MREG: variants seen among roughly 807,000 people sequenced by gnomAD.
The protein encoded by MREG is dilute suppressor protein homolog.
Under a neutral mutation model 28.5 loss-of-function variants are expected in MREG, and 31 were observed. The ratio of observed to expected loss-of-function variants is 1.09; its 90% CI spans 0.82 to 1.47. The LOEUF is 1.47. Ranked by LOEUF, MREG falls within the 40% of genes most tolerant of loss-of-function variation. MREG has a pLI of 0.00. For synonymous variants in MREG, 106 were observed against 95.2 expected (o/e 1.11, Z -0.66); for missense variants, 256 against 257.4 (o/e 0.99, Z 0.04).
Position 216,013,360 on chromosome 2 carries a change from C to T in MREG, c.-33G>A. The T allele has an allele frequency of 6.8e-7, 1 of 1,467,028 alleles. No individual in the cohort carries two copies. The highest frequency in any genetic ancestry group is 9.1e-7 in the Non-Finnish European group (1 of 1,104,620). 90.9% of individuals were successfully genotyped at this position (1,467,028 alleles called of 1,614,324 possible). A position where few individuals can be genotyped will look rare whatever the true frequency, so the allele number is the denominator to read the frequency against. On this transcript the variant is annotated 5_prime_UTR_variant, in exon 1 of 5. Transcript: ENST00000263268. ...GAGGGCCCCCACCGGCGCCGGAAGC[C>T]TGGGGCCGAGTCGCCGCGGCGAGCG...
At chr2:216,012,002 G>T (rs576898489) in intron 1 of MREG, among the ~76,000 whole-genome samples, 2 of 152,140 alleles carry the variant, frequency 1.3e-5, no homozygotes, top group Non-Finnish European at 2.9e-5. Context: ...ACTGTATATT[G>T]TGTGTATGAC....
rs528287762 is a variant in MREG at position 215,968,300 on chromosome 2, A to G, written c.256-21187T>C. Among the ~76,000 whole-genome samples, 7 of 152,276 alleles carry G rather than the reference A, an allele frequency of 4.6e-5. No individual in the cohort carries two copies. The East Asian group carries it at 1.3e-3, about 29-fold the overall frequency. On this transcript the variant is annotated intron_variant, in intron 2 of 4. Coordinates refer to ENST00000263268, the MANE Select transcript of MREG (RefSeq NM_018000.3). ...GCATCTGTTTTACTTTTCACCACTC[A>G]TTACCACAGCATCAGGTAACAGAGT...
chr2:215,943,491 G>T lies in MREG; in HGVS notation c.*1372C>A. The stretch of plus-strand genomic sequence containing the variant: ...CAACGAATCAGAAACAGATGAAAGA[G>T]GAGAGAAGAAAACAGAGGTCAAACA... On this transcript the variant is annotated 3_prime_UTR_variant, in exon 5 of 5. Transcript: ENST00000263268. 4.4e-6 allele frequency: 2 copies of T among 456,696 alleles called. No homozygotes were observed. Among genetic ancestry groups the T allele is most frequent in the South Asian group, 3.1e-5 (2 of 64,572 alleles). 28.3% of individuals were successfully genotyped at this position (456,696 alleles called of 1,614,324 possible). A position where few individuals can be genotyped will look rare whatever the true frequency, so the allele number is the denominator to read the frequency against.
upstream of MREG, among the ~76,000 whole-genome samples, chr2:216,015,459 AT>A (rs1306208406): frequency 6.6e-6 from 1 of 152,148 alleles, no homozygotes; most frequent in Non-Finnish European, 1.5e-5. Context: ...GGGAAGAGTT[AT>A]AGGAGATAGC....
upstream of MREG, among the ~76,000 whole-genome samples, chr2:216,016,969 T>TA (rs766287663): frequency 6.6e-5 from 10 of 152,192 alleles, no homozygotes; most frequent in Non-Finnish European, 1.2e-4. Flanking sequence ...AATAGTCTTC[T>TA]AAAAAATTGG....
At chr2:215,976,268 C>A (rs533207827) in intron 2 of MREG, among the ~76,000 whole-genome samples, 54 of 152,242 alleles carry the variant, frequency 3.5e-4, no homozygotes, top group Admixed American at 7.9e-4. Flanking sequence ...TATTCCAAAT[C>A]TGTTGGTTCT....
In MREG at chr2:215,944,989, G is replaced by A; in HGVS notation, c.519C>T (p.Leu173=). ...SERYLFVVDR[L]IALDAAEEFF... is the part of the protein sequence containing the mutation. ...ACTCTTCTGCAGCATCAAGTGCAATGAGACGGTCCTGCAAAAACAAACAAC... is the reference window on the plus strand; with the variant it reads ...ACTCTTCTGCAGCATCAAGTGCAATAAGACGGTCCTGCAAAAACAAACAAC... Residue 173 remains leucine, a synonymous_variant, in exon 5 of 5, where the codon CTC becomes CTT. Transcript: ENST00000263268. 6.3e-7 allele frequency: 1 copy of A among 1,578,526 alleles called. No homozygotes were observed. The highest frequency in any genetic ancestry group is 1.3e-5 in the African/African-American group (1 of 74,630).
chr2:215,978,313 C>T (rs1693313487), intron 2 of MREG, among the ~76,000 whole-genome samples: 1 of 152,170 alleles, frequency 6.6e-6, no homozygotes, highest in Admixed American at 6.5e-5. Context: ...GACACATACA[C>T]CCTCCCAAGA....
intron 2 of MREG, among the ~76,000 whole-genome samples, chr2:215,990,565 T>C (rs1574632976): frequency 1.3e-5 from 2 of 152,066 alleles, no homozygotes; most frequent in South Asian, 4.1e-4. Context: ...TAAACGTAAA[T>C]AGGCTAAATG....
At position 215,942,989 on chromosome 2, in the gene MREG, A is replaced by G. The variant is rs1358440541; in HGVS notation, c.*1874T>C. On this transcript the variant is annotated 3_prime_UTR_variant, in exon 5 of 5. Coordinates refer to ENST00000263268, the MANE Select transcript of MREG (RefSeq NM_018000.3). ...AGGAAGAATTTTCCTGAAACACAGC[A>G]GTTAAATTGGTCTACAATGCATTAA... 1 of 152,834 alleles carries G rather than the reference A, an allele frequency of 6.5e-6. No homozygotes were observed. The highest frequency in any genetic ancestry group is 1.5e-5 in the Non-Finnish European group (1 of 68,152). 9.5% of individuals were successfully genotyped at this position (152,834 alleles called of 1,614,324 possible).
chr2:215,962,142 G>T (rs1447627419), intron 2 of MREG, among the ~76,000 whole-genome samples: 1 of 152,146 alleles, frequency 6.6e-6, no homozygotes, highest in African/African-American at 2.4e-5. Flanking sequence ...TTATTCCACG[G>T]CTCCACTTGA....
chr2:215,997,140 T>C (rs767986498), intron 1 of MREG, among the ~76,000 whole-genome samples: 1 of 152,186 alleles, frequency 6.6e-6, no homozygotes, highest in Non-Finnish European at 1.5e-5. Flanking sequence ...GGATGAATGT[T>C]TGACTGGCTC....
rs138150602 is a variant in MREG at position 215,977,376 on chromosome 2, A to G, written c.255+18930T>C. Among the ~76,000 whole-genome samples, 940 of 152,352 alleles carry G rather than the reference A, an allele frequency of 6.2e-3. 5 individuals carry two copies. Among genetic ancestry groups the G allele is most frequent in the African/African-American group, 0.021 (870 of 41,572 alleles). On this transcript the variant is annotated intron_variant, in intron 2 of 4. Transcript: ENST00000263268. ...CCAATACAGGAGCACCCAGATTCAT[A>G]AAGCAAGTCCTTAGAGACCTACAAA...
At chr2:215,989,745 G>A (rs1388097979) in intron 2 of MREG, among the ~76,000 whole-genome samples, 1 of 151,874 alleles carries the variant, frequency 6.6e-6, no homozygotes, top group African/African-American at 2.4e-5. Context: ...ACTTCATGAA[G>A]CATTCGCAAG....
intron 2 of MREG, 92 bp from the exon 3 acceptor site, chr2:215,947,205 C>A: frequency 1.4e-6 from 1 of 736,688 alleles, no homozygotes. Context: ...ACACCTGGCT[C>A]TTCTCTTTTA....
At chr2:215,972,472 A>G (rs72946781) in intron 2 of MREG, among the ~76,000 whole-genome samples, 8,154 of 152,054 alleles carry the variant, frequency 0.054, 460 homozygotes, top group African/African-American at 0.14. Context: ...GTGAAAACCC[A>G]TTTCTACTAG....
chr2:215,974,484 T>C (rs1007613299), intron 2 of MREG, among the ~76,000 whole-genome samples: 1 of 152,104 alleles, frequency 6.6e-6, no homozygotes, highest in Non-Finnish European at 1.5e-5. Context: ...GAGGTTCCAC[T>C]GCGTCTGTAT....
At chr2:215,986,089 T>A (rs558847466) in intron 2 of MREG, among the ~76,000 whole-genome samples, 2 of 152,304 alleles carry the variant, frequency 1.3e-5, no homozygotes, top group Non-Finnish European at 2.9e-5. Context: ...AAAACAACAA[T>A]AATCATAACT....
chr2:215,998,286 C>G (rs1693921788), intron 1 of MREG, among the ~76,000 whole-genome samples: 1 of 141,704 alleles, frequency 7.1e-6, no homozygotes, highest in Non-Finnish European at 1.5e-5. Context: ...GTCTGGGCGA[C>G]AAGAGCAAAA....
Sources: gnomAD v4.1 joint callset for allele counts (sites outside exome capture counted in the v4.1 genomes callset) on GRCh38, gnomAD v4.1.1 for gene constraint, MANE v1.5 for transcripts, NCBI Gene and HGNC (gene_info 2026-07-23, HGNC 2026-07-21) for gene names.